Variants in MTUS2 observed in about 807,000 individuals in gnomAD.
MTUS2 encodes the protein microtubule associated scaffold protein 2, also known as microtubule-associated tumor suppressor candidate 2.
In MTUS2, 40 loss-of-function variants were observed where a neutral mutation model predicts 114.1. The ratio of observed to expected loss-of-function variants is 0.35; its 90% CI spans 0.27 to 0.46. The LOEUF is 0.46. MTUS2 is among the 20% of genes least tolerant of loss of function. MTUS2 has a pLI of 1.00. For synonymous variants in MTUS2, 688 were observed against 672.0 expected, an observed-to-expected ratio of 1.02 and a Z score of -0.37; for missense variants, 1,679 against 1,705.4, an observed-to-expected ratio of 0.98 and a Z score of 0.27.
At chr13:29,251,037 T>G in intron 5 of MTUS2, among the ~76,000 whole-genome samples, 1 of 152,274 alleles carries the variant, frequency 6.6e-6, no homozygotes. Context: ...CATGAAATGC[T>G]CCCTCTTTTC....
chr13:29,442,070 G>A (rs1363121874), intron 9 of MTUS2, among the ~76,000 whole-genome samples: 1 of 152,114 alleles, frequency 6.6e-6, no homozygotes, highest in African/African-American at 2.4e-5. Flanking sequence ...AGGGGATGTG[G>A]AGGTGGAGAC....
intron 8 of MTUS2, among the ~76,000 whole-genome samples, chr13:29,379,531 T>G (rs1872041151): frequency 6.6e-6 from 1 of 152,128 alleles, no homozygotes; most frequent in Non-Finnish European, 1.5e-5. Context: ...GTGGCCGTGG[T>G]GTAAAAGGCA....
chr13:29,122,635 G>T (rs1252814526), intron 5 of MTUS2, among the ~76,000 whole-genome samples: 1 of 152,098 alleles, frequency 6.6e-6, no homozygotes, highest in Non-Finnish European at 1.5e-5. Context: ...TGTCAGATGG[G>T]GAGAGCATTC....
intron 4 of MTUS2, among the ~76,000 whole-genome samples, chr13:29,098,480 GCACA>G (rs66763189): frequency 2.6e-5 from 4 of 151,620 alleles, no homozygotes; most frequent in Admixed American, 6.6e-5. Context: ...GTGCGTGCAT[GCACA>G]CACACACAAA....
Position 29,443,601 on chromosome 13 carries a change from C to T in MTUS2, c.3184+3552C>T, listed in dbSNP as rs545060987. On this transcript the variant is annotated intron_variant, in intron 9 of 15. Transcript: ENST00000612955. Reference sequence around the variant, plus strand: ...TCATCCCTGGCACACACTTCAGCAGCAAGCACCCAGTCTGCAGCTGAGATT... The same window carrying T: ...TCATCCCTGGCACACACTTCAGCAGTAAGCACCCAGTCTGCAGCTGAGATT... 2.0e-5 allele frequency among the ~76,000 whole-genome samples: 3 copies of T among 152,356 alleles called. No homozygotes were observed. In the South Asian group the frequency reaches 6.2e-4, roughly 32 times the overall value.
chr13:29,005,978 C>T (rs1341566906), intron 2 of MTUS2, among the ~76,000 whole-genome samples: 1 of 152,222 alleles, frequency 6.6e-6, no homozygotes, highest in Non-Finnish European at 1.5e-5. Context: ...CTGATTGTAG[C>T]TAGCTCTTTT....
intron 5 of MTUS2, among the ~76,000 whole-genome samples, chr13:29,169,926 A>T (rs35231942): frequency 0.11 from 16,816 of 151,986 alleles, 1,507 homozygotes; most frequent in African/African-American, 0.25. Context: ...CAAACCTGTC[A>T]CCTCTGTTTC....
At chr13:28,925,400 G>T (rs889329575) in intron 2 of MTUS2, among the ~76,000 whole-genome samples, 1 of 152,122 alleles carries the variant, frequency 6.6e-6, no homozygotes, top group African/African-American at 2.4e-5. Flanking sequence ...GTAGATATGT[G>T]GACATGTAAT....
chr13:29,200,996 G>A (rs1894931369), intron 5 of MTUS2, among the ~76,000 whole-genome samples: 1 of 152,152 alleles, frequency 6.6e-6, no homozygotes, highest in South Asian at 2.1e-4. Flanking sequence ...TTAATTTTGG[G>A]TGGAGAGTTC....
At chr13:29,385,850 G>T (rs1423824153) in intron 8 of MTUS2, among the ~76,000 whole-genome samples, 2 of 152,126 alleles carry the variant, frequency 1.3e-5, no homozygotes, top group Admixed American at 6.6e-5. Context: ...TCATTTTTCT[G>T]ATAAAACCTT....
At chr13:29,044,512 G>A (rs1202294533) in intron 4 of MTUS2, among the ~76,000 whole-genome samples, 2 of 151,964 alleles carry the variant, frequency 1.3e-5, no homozygotes, top group East Asian at 3.9e-4. Flanking sequence ...ATTGTTTCTT[G>A]AAATATTTTC....
chr13:28,858,184 C>G (rs554381699), intron 2 of MTUS2, among the ~76,000 whole-genome samples: 3 of 118,228 alleles, frequency 2.5e-5, no homozygotes, highest in South Asian at 5.4e-4. Context: ...TTGAAATTAT[C>G]TTATAGGAAG....
intron 5 of MTUS2, among the ~76,000 whole-genome samples, chr13:29,187,346 A>G (rs373251326): frequency 6.6e-6 from 1 of 152,198 alleles, no homozygotes; most frequent in Non-Finnish European, 1.5e-5. Flanking sequence ...TTGACAAACT[A>G]TTAGCTTGAC....
chr13:29,121,474 T>G (rs1891305123), intron 5 of MTUS2, among the ~76,000 whole-genome samples: 1 of 150,524 alleles, frequency 6.6e-6, no homozygotes, highest in African/African-American at 2.4e-5. Flanking sequence ...AGAGATAGAG[T>G]GAGTGAGCAC....
chr13:29,235,759 A>G (rs993003409), intron 5 of MTUS2, among the ~76,000 whole-genome samples: 1 of 152,158 alleles, frequency 6.6e-6, no homozygotes, highest in African/African-American at 2.4e-5. Context: ...TAGATTTTCT[A>G]GGATTATTTT....
At chr13:29,462,905 G>A (rs530174025) in intron 9 of MTUS2, among the ~76,000 whole-genome samples, 6 of 152,152 alleles carry the variant, frequency 3.9e-5, no homozygotes, top group Admixed American at 1.3e-4. Context: ...TGATGTCCTC[G>A]TTCTAGTCCC....
chr13:28,892,821 G>T (rs1029556117), intron 2 of MTUS2, among the ~76,000 whole-genome samples: 2 of 152,196 alleles, frequency 1.3e-5, no homozygotes, highest in East Asian at 1.9e-4. Context: ...CTAAAACAAG[G>T]CAGAAAGTGA....
At chr13:28,982,647 G>A (rs1255167334) in intron 2 of MTUS2, among the ~76,000 whole-genome samples, 1 of 152,218 alleles carries the variant, frequency 6.6e-6, no homozygotes, top group African/African-American at 2.4e-5. Flanking sequence ...TGGATGAATG[G>A]ATAAACAAAA....
intron 5 of MTUS2, among the ~76,000 whole-genome samples, chr13:29,264,933 A>G (rs1897612898): frequency 1.3e-5 from 2 of 152,236 alleles, no homozygotes; most frequent in Non-Finnish European, 2.9e-5. Flanking sequence ...CCTTTTATTT[A>G]TACAGATATT....
Sources: allele counts gnomAD v4.1 joint callset (sites outside exome capture counted in the v4.1 genomes callset), GRCh38; gene constraint gnomAD v4.1.1; transcripts MANE v1.5; gene names NCBI Gene and HGNC (gene_info 2026-07-23, HGNC 2026-07-21).